Variants in MAML2 observed in about 807,000 individuals in gnomAD.
MAML2 encodes the protein mastermind-like protein 2.
Under a neutral mutation model 96.1 loss-of-function variants are expected in MAML2, and 22 were observed. The ratio of observed to expected loss-of-function variants is 0.23; its 90% CI spans 0.16 to 0.33. MAML2 has a LOEUF of 0.33. Among genes scored for constraint, MAML2 ranks in the 10% least tolerant of loss-of-function variants. The probability of loss-of-function intolerance (pLI) is 1.00; values close to 1 mark genes in which losing one functional copy is unlikely to be tolerated. For missense variants in MAML2, 1,367 were observed against 1,392.4 expected (o/e 0.98, Z 0.29); for synonymous variants, 561 against 521.3 (o/e 1.08, Z -1.04).
At chr11:96,018,880 C>T (rs558508483) in intron 2 of MAML2, among the ~76,000 whole-genome samples, 20 of 152,152 alleles carry the variant, frequency 1.3e-4, no homozygotes, top group Admixed American at 4.6e-4. Flanking sequence ...TGAGCCACGG[C>T]GCCTGGCTGA....
chr11:96,041,632 G>T (rs1036109939), intron 2 of MAML2, among the ~76,000 whole-genome samples: 1 of 152,120 alleles, frequency 6.6e-6, no homozygotes, highest in Non-Finnish European at 1.5e-5. Context: ...GAGGAAGTGT[G>T]TTCCATTGCG....
chr11:96,333,756 C>T (rs531233603), intron 1 of MAML2, among the ~76,000 whole-genome samples: 15 of 152,276 alleles, frequency 9.9e-5, no homozygotes, highest in African/African-American at 3.6e-4. Flanking sequence ...ATTTAAATCT[C>T]CACAGTAGGA....
intron 2 of MAML2, among the ~76,000 whole-genome samples, chr11:96,091,671 A>G (rs542641165): frequency 7.9e-5 from 12 of 152,334 alleles, no homozygotes; most frequent in Admixed American, 3.3e-4. Flanking sequence ...TTTGATCATT[A>G]CAGATCACAA....
chr11:96,106,064 T>C (rs948546440), intron 1 of MAML2, among the ~76,000 whole-genome samples: 2 of 152,196 alleles, frequency 1.3e-5, no homozygotes, highest in Admixed American at 6.5e-5. Flanking sequence ...TAAATGACGT[T>C]AGGATGGAGG....
chr11:96,267,257 C>CA (rs1862842457), intron 1 of MAML2, among the ~76,000 whole-genome samples: 1 of 151,994 alleles, frequency 6.6e-6, no homozygotes, highest in Non-Finnish European at 1.5e-5. Flanking sequence ...CTAAGACAAT[C>CA]AAAAAATTAT....
Position 96,123,760 on chromosome 11 carries a change from A to G in MAML2, c.514-30243T>C, listed in dbSNP as rs536093350. On this transcript the variant is annotated intron_variant, in intron 1 of 4. Transcript: ENST00000524717. ...AGATGGGGAAGGGAGGGAGGAGGAC[A>G]TCGGCTTCACAGACAGAAATTAAGA... is the stretch of plus-strand genomic sequence containing the variant. Among the ~76,000 whole-genome samples, 18 of 152,210 alleles carry G rather than the reference A, an allele frequency of 1.2e-4. No individual in the cohort carries two copies. In the South Asian group the frequency reaches 3.7e-3, roughly 32 times the overall value.
chr11:96,045,798 C>A (rs1051516307), intron 2 of MAML2, among the ~76,000 whole-genome samples: 1 of 152,028 alleles, frequency 6.6e-6, no homozygotes, highest in African/African-American at 2.4e-5. Context: ...AAACTGGTGA[C>A]CTCAGGAAAC....
chr11:96,195,242 C>T (rs1861713419), intron 1 of MAML2, among the ~76,000 whole-genome samples: 1 of 151,746 alleles, frequency 6.6e-6, no homozygotes, highest in South Asian at 2.1e-4. Context: ...CTGCAAAGCC[C>T]TATGAATCTA....
At chr11:96,245,477 A>C (rs189770753) in intron 1 of MAML2, among the ~76,000 whole-genome samples, 147 of 152,262 alleles carry the variant, frequency 9.7e-4, no homozygotes, top group African/African-American at 3.3e-3. Flanking sequence ...ATAATCTATA[A>C]ATGAATTTGT....
At chr11:96,106,000 C>A (rs1860015581) in intron 1 of MAML2, among the ~76,000 whole-genome samples, 1 of 152,134 alleles carries the variant, frequency 6.6e-6, no homozygotes, top group African/African-American at 2.4e-5. Flanking sequence ...ACTTTTTTAA[C>A]CAGGCATTAA....
At position 96,341,911 on chromosome 11, in the gene MAML2, G is replaced by A; in HGVS notation, c.-16C>T. On this transcript the variant is annotated 5_prime_UTR_variant, in exon 1 of 5. Transcript: ENST00000524717. ...TGTCCCCCATCTTACCGGACACAAT[G>A]ATTGCTGCCTCTGGGATGGTGAGGT... 1 of 1,499,800 alleles carries A rather than the reference G, an allele frequency of 6.7e-7. No homozygotes were observed. Among genetic ancestry groups the A allele is most frequent in the Non-Finnish European group, 8.9e-7 (1 of 1,129,016 alleles). 92.9% of individuals were successfully genotyped at this position (1,499,800 alleles called of 1,614,324 possible).
intron 1 of MAML2, among the ~76,000 whole-genome samples, chr11:96,312,258 C>T (rs935676861): frequency 2.2e-5 from 3 of 134,072 alleles, no homozygotes; most frequent in Non-Finnish European, 4.9e-5. Flanking sequence ...TGAGCAAATG[C>T]CCTGCCTTTC....
chr11:96,212,909 A>G (rs1861992003), intron 1 of MAML2, among the ~76,000 whole-genome samples: 1 of 152,162 alleles, frequency 6.6e-6, no homozygotes, highest in Non-Finnish European at 1.5e-5. Context: ...CTCAAAAATT[A>G]TTGATGAATG....
chr11:96,259,178 C>T (rs958934466), intron 1 of MAML2, among the ~76,000 whole-genome samples: 10 of 152,178 alleles, frequency 6.6e-5, no homozygotes, highest in African/African-American at 2.4e-4. Context: ...ATCTGCATGT[C>T]TTTTCAATTT....
At chr11:96,159,407 C>CTTTTTTTTTTTTTTTTTTTTT (rs760811590) in intron 1 of MAML2, among the ~76,000 whole-genome samples, 19 of 91,142 alleles carry the variant, frequency 2.1e-4, no homozygotes, top group East Asian at 4.4e-4. Flanking sequence ...ACCACTGATT[C>CTTTTTTTTTTTTTTTTTTTTT]TTTTTTTTTT....
chr11:96,221,792 T>C (rs1186656201), intron 1 of MAML2, among the ~76,000 whole-genome samples: 2 of 150,328 alleles, frequency 1.3e-5, no homozygotes, highest in Admixed American at 6.7e-5. Context: ...ACAGCTAAAA[T>C]GTTGCCACAT....
intron 1 of MAML2, among the ~76,000 whole-genome samples, chr11:96,215,746 G>C (rs943312253): frequency 6.6e-6 from 1 of 151,900 alleles, no homozygotes; most frequent in Admixed American, 6.5e-5. Context: ...CACCCCCCTC[G>C]GGTGCTGGCT....
chr11:96,187,972 CT>C (rs1861597834), intron 1 of MAML2, among the ~76,000 whole-genome samples: 1 of 152,136 alleles, frequency 6.6e-6, no homozygotes, highest in African/African-American at 2.4e-5. Flanking sequence ...TTGGCCTGGC[CT>C]TCATGTGGCA....
intron 1 of MAML2, among the ~76,000 whole-genome samples, chr11:96,190,129 G>A (rs1861632399): frequency 6.6e-6 from 1 of 152,188 alleles, no homozygotes. Flanking sequence ...GATGAACATG[G>A]AGTCTGCAAT....
Sources: allele counts gnomAD v4.1 joint callset (sites outside exome capture counted in the v4.1 genomes callset), GRCh38; gene constraint gnomAD v4.1.1; transcripts MANE v1.5; gene names NCBI Gene and HGNC (gene_info 2026-07-23, HGNC 2026-07-21).